Variants in WWTR1 observed in about 807,000 individuals in gnomAD.
The protein encoded by WWTR1 is WW domain containing transcription regulator 1, also known as WW domain-containing transcription regulator protein 1.
WWTR1 carries 13 observed loss-of-function variants against 40.1 expected under a neutral mutation model. That is an observed-to-expected ratio of 0.32 (90% CI 0.21 to 0.52). The LOEUF (loss-of-function observed/expected upper bound fraction) is 0.52. Among genes scored for constraint, WWTR1 ranks in the 20% least tolerant of loss-of-function variants. WWTR1 has a pLI of 0.97. For synonymous variants in WWTR1, 230 were observed against 210.1 expected (o/e 1.09, Z -0.82); for missense variants, 436 against 523.1 (o/e 0.83, Z 1.63).
upstream of WWTR1, chr3:149,703,409 C>T (rs902786943): frequency 2.2e-4 from 34 of 152,130 alleles, no homozygotes; most frequent in Middle Eastern, 3.2e-3. Context: ...ACAGTTATGA[C>T]GGCCAAAATA....
At chr3:149,693,084 TAA>T (rs1293912742) in intron 1 of WWTR1, among the ~76,000 whole-genome samples, 1 of 152,148 alleles carries the variant, frequency 6.6e-6, no homozygotes, top group Non-Finnish European at 1.5e-5. Context: ...TGGAAAAACC[TAA>T]AGACTCCCCC....
At chr3:149,668,071 CAG>C (rs947769332) in intron 2 of WWTR1, among the ~76,000 whole-genome samples, 21 of 152,140 alleles carry the variant, frequency 1.4e-4, no homozygotes, top group Non-Finnish European at 2.2e-4. Context: ...GATAATAATT[CAG>C]AGTCTGGTTA....
chr3:149,701,130 G>T (rs1715157470), intron 1 of WWTR1, among the ~76,000 whole-genome samples: 1 of 151,984 alleles, frequency 6.6e-6, no homozygotes, highest in African/African-American at 2.4e-5. Context: ...GATTTTAAAA[G>T]CCTTTCTTTT....
At chr3:149,596,109 G>A (rs1301925725) in intron 2 of WWTR1, among the ~76,000 whole-genome samples, 3 of 152,096 alleles carry the variant, frequency 2.0e-5, no homozygotes, top group Admixed American at 1.3e-4. Context: ...GACATTATTA[G>A]CTCAATGGAC....
intron 5 of WWTR1, among the ~76,000 whole-genome samples, chr3:149,711,096 A>G (rs1418244703): frequency 6.6e-6 from 1 of 151,442 alleles, no homozygotes; most frequent in Non-Finnish European, 1.5e-5. Flanking sequence ...ATTTACGGGC[A>G]CAGTTAGGAA....
intron 2 of WWTR1, among the ~76,000 whole-genome samples, chr3:149,607,471 T>C (rs2108061279): frequency 1.3e-5 from 2 of 152,020 alleles, no homozygotes; most frequent in South Asian, 4.1e-4. Flanking sequence ...CACGCCGCAA[T>C]GCCCGGGTAA....
chr3:149,663,720 G>A (rs1044309243), intron 2 of WWTR1, among the ~76,000 whole-genome samples: 4 of 152,030 alleles, frequency 2.6e-5, no homozygotes, highest in Admixed American at 6.6e-5. Context: ...TTATGAAACC[G>A]CTCCTAAGAA....
chr3:149,705,919 C>G (rs914477165), upstream of WWTR1, among the ~76,000 whole-genome samples: 10 of 152,076 alleles, frequency 6.6e-5, no homozygotes, highest in Non-Finnish European at 8.8e-5. Flanking sequence ...TGTTGCAGTG[C>G]GGTGGCTCAT....
chr3:149,643,550 G>A (rs971465167), intron 2 of WWTR1, among the ~76,000 whole-genome samples: 2 of 152,148 alleles, frequency 1.3e-5, no homozygotes, highest in African/African-American at 2.4e-5. Flanking sequence ...GCTTAAACAA[G>A]CAAACGTGTG....
At chr3:149,633,283 G>GGAGGCTGAGGTGGGAGGATCTCTTGA (rs1711636252) in intron 2 of WWTR1, among the ~76,000 whole-genome samples, 1 of 152,184 alleles carries the variant, frequency 6.6e-6, no homozygotes, top group Non-Finnish European at 1.5e-5. Context: ...TAGCTACTTA[G>GGAGGCTGAGGTGGGAGGATCTCTTGA]GAGGCTGAGG....
At chr3:149,680,179 G>C (rs1714407925) in intron 1 of WWTR1, among the ~76,000 whole-genome samples, 1 of 152,166 alleles carries the variant, frequency 6.6e-6, no homozygotes, top group Admixed American at 6.6e-5. Flanking sequence ...AGACTGTTCT[G>C]GCAAATCAAG....
chr3:149,664,572 A>G (rs1713723242), intron 2 of WWTR1, among the ~76,000 whole-genome samples: 1 of 151,160 alleles, frequency 6.6e-6, no homozygotes, highest in African/African-American at 2.4e-5. Context: ...GATGATAATG[A>G]TGATGGAAGG....
At chr3:149,538,307 T>A (rs1420233090) in intron 4 of WWTR1, among the ~76,000 whole-genome samples, 1 of 152,198 alleles carries the variant, frequency 6.6e-6, no homozygotes, top group African/African-American at 2.4e-5. Context: ...AAAACTTCAA[T>A]AAGAATTGCT....
chr3:149,687,922 AG>A (rs1408206209), intron 1 of WWTR1, among the ~76,000 whole-genome samples: 1 of 151,760 alleles, frequency 6.6e-6, no homozygotes, highest in East Asian at 2.0e-4. Flanking sequence ...TGCTTACTAA[AG>A]GGTCCTTGTG....
chr3:149,536,847 G>A (rs1014758374), intron 4 of WWTR1, among the ~76,000 whole-genome samples: 6 of 152,022 alleles, frequency 3.9e-5, no homozygotes, highest in Admixed American at 2.0e-4. Flanking sequence ...GGCAGCCCCC[G>A]TGAAGGGACA....
At chr3:149,707,529 G>A (rs1715362643), upstream of WWTR1, among the ~76,000 whole-genome samples, 1 of 151,512 alleles carries the variant, frequency 6.6e-6, no homozygotes, top group African/African-American at 2.4e-5. Flanking sequence ...GATGTTTTAT[G>A]AAAAAAAAGG....
intron 4 of WWTR1, chr3:149,540,180 C>T (rs1381546775): frequency 4.8e-5 from 22 of 456,152 alleles, no homozygotes; most frequent in Non-Finnish European, 8.8e-5. Flanking sequence ...ATCTTTTCTC[C>T]TGCTTCATAT....
At chr3:149,652,067 T>C (rs1194684637) in intron 2 of WWTR1, among the ~76,000 whole-genome samples, 1 of 145,430 alleles carries the variant, frequency 6.9e-6, no homozygotes, top group Admixed American at 7.1e-5. Context: ...ATGATCTCCA[T>C]CTCCTGACCT....
chr3:149,719,913 T>C (rs1715716359), intron 4 of WWTR1, among the ~76,000 whole-genome samples: 1 of 152,262 alleles, frequency 6.6e-6, no homozygotes, highest in Non-Finnish European at 1.5e-5. Context: ...GTATATCTTC[T>C]TGGAGAAGTA....
Sources: gnomAD v4.1 joint callset for allele counts (sites outside exome capture counted in the v4.1 genomes callset) on GRCh38, gnomAD v4.1.1 for gene constraint, MANE v1.5 for transcripts, NCBI Gene and HGNC (gene_info 2026-07-23, HGNC 2026-07-21) for gene names.